The following DNMT3B variants were observed in gnomAD, a reference collection of about 807,000 sequenced individuals.
The protein encoded by DNMT3B is DNA methyltransferase 3 beta.
Under a neutral mutation model 120.2 loss-of-function variants are expected in DNMT3B, and 37 were observed. That is an observed-to-expected ratio of 0.31 (90% CI 0.24 to 0.40). DNMT3B has a LOEUF of 0.40. Among genes scored for constraint, DNMT3B ranks in the 10% least tolerant of loss-of-function variants. DNMT3B has a pLI of 1.00. For missense variants in DNMT3B, 878 were observed against 1,137.3 expected (o/e 0.77, Z 3.28); for synonymous variants, 412 against 442.8 (o/e 0.93, Z 0.87).
chr20:32,795,693 A>G lies in DNMT3B; in HGVS notation c.1296A>G (p.Glu432=). 6.2e-7 allele frequency: 1 copy of G among 1,614,156 alleles called. No individual in the cohort carries two copies. Among genetic ancestry groups the G allele is most frequent in the Non-Finnish European group, 8.5e-7 (1 of 1,180,034 alleles). ...TTGCCAACAACAAGAGCAGCCTGGAAGGTAACGTTCTCTCCCTCCCAGTCA... is the reference window on the plus strand; with the variant it reads ...TTGCCAACAACAAGAGCAGCCTGGAGGGTAACGTTCTCTCCCTCCCAGTCA... The part of the protein sequence containing the change: ...SDVANNKSSL[E]DGCLSCGRKN... The change falls in exon 12 of 23, where the codon GAA becomes GAG. Residue 432 remains glutamate, a splice_region_variant and synonymous_variant. Coordinates refer to ENST00000328111, the MANE Select transcript of DNMT3B (RefSeq NM_006892.4).
At position 32,802,416 on chromosome 20, in the gene DNMT3B, T is replaced by G. The variant is rs121908941; in HGVS notation, c.2177T>G (p.Val726Gly). 39 of 1,614,090 alleles carry G rather than the reference T, an allele frequency of 2.4e-5. No individual in the cohort carries two copies. The highest frequency in any genetic ancestry group is 3.1e-5 in the Non-Finnish European group (36 of 1,180,048). ...CNPVMIDAIK[V>G]SAAHRARYFW... The stretch of plus-strand genomic sequence containing the variant: ...CCAGTGATGATTGATGCCATCAAAG[T>G]TTCTGCTGCTCACAGGGCCCGATAC... The change falls in exon 20 of 23, where the codon GTT becomes GGT. Residue 726 changes from valine to glycine, a missense_variant. By Grantham distance (109) the Val-to-Gly change is moderately radical. Coordinates refer to ENST00000328111, the MANE Select transcript of DNMT3B (RefSeq NM_006892.4).
intron 1 of DNMT3B, among the ~76,000 whole-genome samples, chr20:32,766,500 C>T (rs1987376602): frequency 6.6e-6 from 1 of 152,208 alleles, no homozygotes; most frequent in South Asian, 2.1e-4. Context: ...TGAGCTACCA[C>T]ACATGGCCTC....
intron 3 of DNMT3B, among the ~76,000 whole-genome samples, chr20:32,784,415 T>C (rs1171636817): frequency 6.6e-6 from 1 of 152,232 alleles, no homozygotes; most frequent in Non-Finnish European, 1.5e-5. Context: ...GGAAATGGAC[T>C]CAAAGCCACA....
At chr20:32,772,683 A>G (rs1181229748) in intron 1 of DNMT3B, among the ~76,000 whole-genome samples, 2 of 152,244 alleles carry the variant, frequency 1.3e-5, no homozygotes, top group East Asian at 3.9e-4. Flanking sequence ...ATAAAGGGCA[A>G]AAAGTTTAGA....
chr20:32,766,862 G>A (rs888427469), intron 1 of DNMT3B, among the ~76,000 whole-genome samples: 1 of 151,222 alleles, frequency 6.6e-6, no homozygotes, highest in East Asian at 1.9e-4. Flanking sequence ...ATAGACATGA[G>A]CCAACACACC....
chr20:32,779,980 G>C (rs1282807055), intron 1 of DNMT3B: 1 of 1,190,980 alleles, frequency 8.4e-7, no homozygotes, highest in Non-Finnish European at 1.2e-6. Flanking sequence ...GACGGGCCGG[G>C]ACAGGCAGGT....
chr20:32,784,842 C>G lies in DNMT3B; in HGVS notation c.289C>G (p.Arg97Gly), dbSNP rs769220144. 1 of 1,613,962 alleles carries G rather than the reference C, an allele frequency of 6.2e-7. No homozygotes were observed. The highest frequency in any genetic ancestry group is 1.3e-5 in the African/African-American group (1 of 74,876). Residue 97 changes from arginine to glycine, a missense_variant, in exon 4 of 23, where the codon CGT becomes GGT. Arg to Gly is a moderately radical substitution (Grantham distance 125, BLOSUM62 -2). Around this residue, in one of 4 missense-constraint regions of DNMT3B, gnomAD observed 287 missense variants for 306.2 expected, o/e 0.94. Transcript: ENST00000328111. ...MPKLFRETRT[R>G]SESPAVRTRN... ...AAAGCTCTTCCGGGAAACCAGGACT[C>G]GTTCAGAAAGCCCAGCTGTAAGTAG...
Position 32,804,439 on chromosome 20 carries a change from T to C in DNMT3B, c.2232-899T>C, listed in dbSNP as rs529037072. On this transcript the variant is annotated intron_variant, in intron 20 of 22. Transcript: ENST00000328111. ...AATCTATCAGTCTAGGGGAAATATGTGTTGTGATTTCCTCAGCCCCTCTTG... is the reference window on the plus strand; with the variant it reads ...AATCTATCAGTCTAGGGGAAATATGCGTTGTGATTTCCTCAGCCCCTCTTG... Among the ~76,000 whole-genome samples, 4 of 152,248 alleles carry C rather than the reference T, an allele frequency of 2.6e-5. No homozygotes were observed. In the East Asian group the frequency reaches 7.7e-4, roughly 29 times the overall value.
intron 9 of DNMT3B, among the ~76,000 whole-genome samples, chr20:32,793,241 C>T (rs556745799): frequency 2.6e-5 from 4 of 152,180 alleles, no homozygotes; most frequent in South Asian, 2.1e-4. Flanking sequence ...TGCCTGTAAT[C>T]GCAGCACTCT....
intron 1 of DNMT3B, among the ~76,000 whole-genome samples, chr20:32,764,464 G>A (rs911070270): frequency 5.9e-5 from 9 of 152,082 alleles, no homozygotes; most frequent in African/African-American, 2.2e-4. Context: ...TGAGATTTGG[G>A]GATGGAGGGA....
At chr20:32,779,844 A>G (rs1978362647) in intron 1 of DNMT3B, 4 of 573,830 alleles carry the variant, frequency 7.0e-6, no homozygotes, top group Non-Finnish European at 9.3e-6. Context: ...GGACCTGGAG[A>G]TTGAGGGGAA....
intron 1 of DNMT3B, chr20:32,779,873 G>A: frequency 1.7e-6 from 1 of 600,456 alleles, no homozygotes; most frequent in South Asian, 2.0e-5. Flanking sequence ...GCAAACAAAG[G>A]GGTCAGGAGG....
intron 1 of DNMT3B, among the ~76,000 whole-genome samples, chr20:32,778,648 C>T (rs968111364): frequency 3.9e-5 from 6 of 152,310 alleles, no homozygotes; most frequent in Non-Finnish European, 7.3e-5. Flanking sequence ...CCCTGGTGGG[C>T]GATGCCAGTG....
At chr20:32,783,028 A>G (rs1308560781) in intron 3 of DNMT3B, among the ~76,000 whole-genome samples, 1 of 152,092 alleles carries the variant, frequency 6.6e-6, no homozygotes, top group South Asian at 2.1e-4. Flanking sequence ...GGCCCAAGCG[A>G]TTCCCCTGCC....
intron 1 of DNMT3B, chr20:32,780,040 A>G: frequency 6.3e-7 from 1 of 1,575,538 alleles, no homozygotes; most frequent in Non-Finnish European, 8.6e-7. Flanking sequence ...GAGCAGTCTG[A>G]GCCTGAGACC....
chr20:32,795,465 G>A lies in DNMT3B; in HGVS notation c.1183G>A (p.Ala395Thr), dbSNP rs753291521. The A allele has an allele frequency of 8.7e-6, 14 of 1,613,982 alleles. No homozygotes were observed. Among genetic ancestry groups the A allele is most frequent in the South Asian group, 2.2e-5 (2 of 91,086 alleles). The change falls in exon 11 of 23, where the codon GCA becomes ACA. Residue 395 changes from alanine to threonine, a missense_variant. Transcript: ENST00000328111. ...DDSATSDYCP[A>T]PKRLKTNCYN... The stretch of plus-strand genomic sequence containing the variant: ...CTCAGCCACCTCTGACTACTGCCCC[G>A]CACCCAAGCGCCTCAAGACAAATTG...
chr20:32,789,055 G>A (rs1296382213), intron 7 of DNMT3B, 43 bp downstream of exon 7: 1 of 1,608,032 alleles, frequency 6.2e-7, no homozygotes, highest in Admixed American at 1.7e-5. Flanking sequence ...GCCTGAGGCT[G>A]TGCCTGCCTG....
intron 22 of DNMT3B, among the ~76,000 whole-genome samples, chr20:32,806,964 ATTTAATTTC>A (rs1982047604): frequency 6.6e-6 from 1 of 152,226 alleles, no homozygotes. Flanking sequence ...TCTATAACTC[ATTTAATTTC>A]TTCTTTGACT....
rs760283600 is a variant in DNMT3B at position 32,795,464 on chromosome 20, C to G, written c.1182C>G (p.Pro394=). 1 of 1,614,028 alleles carries G rather than the reference C, an allele frequency of 6.2e-7. No homozygotes were observed. Among genetic ancestry groups the G allele is most frequent in the Non-Finnish European group, 8.5e-7 (1 of 1,180,054 alleles). The stretch of plus-strand genomic sequence containing the variant: ...ACTCAGCCACCTCTGACTACTGCCC[C>G]GCACCCAAGCGCCTCAAGACAAATT... ...ADDSATSDYC[P]APKRLKTNCY... is the part of the protein sequence containing the mutation. The change falls in exon 11 of 23, where the codon CCC becomes CCG. Residue 394 remains proline, a synonymous_variant. Coordinates refer to ENST00000328111, the MANE Select transcript of DNMT3B (RefSeq NM_006892.4).
Sources: gnomAD v4.1 joint callset for allele counts (sites outside exome capture counted in the v4.1 genomes callset) on GRCh38, gnomAD v4.1.1 for gene constraint, gnomAD v4.1.1 regional missense constraint, MANE v1.5 for transcripts, NCBI Gene and HGNC (gene_info 2026-07-23, HGNC 2026-07-21) for gene names.